SEM1: variants seen among roughly 807,000 people sequenced by gnomAD.
The protein encoded by SEM1 is 26S proteasome complex subunit SEM1.
Under a neutral mutation model 12.7 loss-of-function variants are expected in SEM1, and 3 were observed. The observed-to-expected ratio is 0.24, with a 90% CI of 0.11 to 0.61. The LOEUF is 0.61. Among genes scored for constraint, SEM1 ranks in the 20% least tolerant of loss-of-function variants. The pLI, the probability that SEM1 is intolerant of heterozygous loss-of-function variation, is 0.88. For missense variants in SEM1, 59 were observed against 81.3 expected, an observed-to-expected ratio of 0.73 and a Z score of 1.06; for synonymous variants, 30 against 27.8, an observed-to-expected ratio of 1.08 and a Z score of -0.25.
At chr7:96,488,452 G>T (rs1346122831) in intron 1 of SEM1, among the ~76,000 whole-genome samples, 1 of 152,062 alleles carries the variant, frequency 6.6e-6, no homozygotes, top group Non-Finnish European at 1.5e-5. Context: ...TTGTGGAAAT[G>T]GTACCTTAAG....
chr7:96,608,332 C>G (rs1807445937), intron 2 of SEM1, among the ~76,000 whole-genome samples: 1 of 152,088 alleles, frequency 6.6e-6, no homozygotes, highest in Non-Finnish European at 1.5e-5. Context: ...TACTTCCGAG[C>G]ATCAGTGCTT....
At chr7:96,615,573 TAA>T (rs1807692811) in intron 2 of SEM1, among the ~76,000 whole-genome samples, 1 of 152,168 alleles carries the variant, frequency 6.6e-6, no homozygotes, top group African/African-American at 2.4e-5. Flanking sequence ...ATGATTTTTT[TAA>T]GAGTCCATCA....
intron 3 of SEM1, chr7:96,484,046 A>G: frequency 7.2e-7 from 1 of 1,395,740 alleles, no homozygotes. Context: ...CACTTCATGC[A>G]TATTAACTTA....
At chr7:96,581,557 T>A (rs902384100) in intron 2 of SEM1, among the ~76,000 whole-genome samples, 2 of 152,206 alleles carry the variant, frequency 1.3e-5, no homozygotes, top group African/African-American at 4.8e-5. Flanking sequence ...TAAATTACCT[T>A]GGGCAGTATG....
intron 2 of SEM1, among the ~76,000 whole-genome samples, chr7:96,570,198 C>CTT (rs777955274): frequency 1.4e-5 from 2 of 142,070 alleles, no homozygotes; most frequent in African/African-American, 5.1e-5. Flanking sequence ...CATTTTTTGA[C>CTT]TTTTTTTTTT....
chr7:96,667,729 T>C (rs1030520556), intron 2 of SEM1, among the ~76,000 whole-genome samples: 5 of 152,188 alleles, frequency 3.3e-5, no homozygotes, highest in Non-Finnish European at 4.4e-5. Flanking sequence ...AGAACCACAT[T>C]GCTAAATCAC....
intron 2 of SEM1, among the ~76,000 whole-genome samples, chr7:96,682,386 T>C (rs1789640958): frequency 6.6e-6 from 1 of 152,060 alleles, no homozygotes; most frequent in Non-Finnish European, 1.5e-5. Context: ...TTTCTTTCTC[T>C]TGCCTGATTG....
exon 4 of SEM1, chr7:96,483,787 G>A: frequency 2.6e-6 from 4 of 1,521,086 alleles, no homozygotes; most frequent in Non-Finnish European, 3.5e-6. Context: ...GGGATATCTG[G>A]TATCAGCATG....
chr7:96,598,051 T>C (rs1386457305), intron 2 of SEM1, among the ~76,000 whole-genome samples: 1 of 152,162 alleles, frequency 6.6e-6, no homozygotes, highest in Non-Finnish European at 1.5e-5. Flanking sequence ...TTTCTTGTTT[T>C]TGAATGAATT....
chr7:96,546,679 T>G (rs1805113220), intron 2 of SEM1, among the ~76,000 whole-genome samples: 1 of 152,124 alleles, frequency 6.6e-6, no homozygotes, highest in Non-Finnish European at 1.5e-5. Flanking sequence ...ACGATCTTCA[T>G]GAGGATATTG....
chr7:96,661,900 A>C (rs1485142718), intron 2 of SEM1, among the ~76,000 whole-genome samples: 1 of 150,098 alleles, frequency 6.7e-6, no homozygotes, highest in Non-Finnish European at 1.5e-5. Context: ...AGGCAGGAGA[A>C]TGGCTTGAAC....
chr7:96,532,551 G>C (rs1266381900), intron 2 of SEM1, among the ~76,000 whole-genome samples: 1 of 152,126 alleles, frequency 6.6e-6, no homozygotes, highest in Non-Finnish European at 1.5e-5. Flanking sequence ...AATGGTGCAT[G>C]TTCATTGTTG....
chr7:96,552,373 A>T lies in SEM1; in HGVS notation c.171-45675T>A, dbSNP rs576292617. Among the ~76,000 whole-genome samples the T allele has an allele frequency of 3.3e-5, 5 of 151,928 alleles. No individual in the cohort carries two copies. The East Asian group carries it at 7.8e-4, about 24-fold the overall frequency. Reference sequence around the variant, plus strand: ...ACCCCACAACAGTCCCCAGAGTGTGATGTTCCCCTTCCTGTGTCCATGTGA... The same window carrying T: ...ACCCCACAACAGTCCCCAGAGTGTGTTGTTCCCCTTCCTGTGTCCATGTGA... On this transcript the variant is annotated intron_variant and NMD_transcript_variant, in intron 2 of 3. Transcript: ENST00000466986.
chr7:96,638,250 G>A (rs1241433766), intron 2 of SEM1, among the ~76,000 whole-genome samples: 1 of 151,944 alleles, frequency 6.6e-6, no homozygotes, highest in Non-Finnish European at 1.5e-5. Flanking sequence ...TGCCTTCATA[G>A]CTTCCACACT....
rs146042437 is a variant in SEM1 at position 96,531,134 on chromosome 7, G to A, written c.171-24436C>T. On this transcript the variant is annotated intron_variant and NMD_transcript_variant, in intron 2 of 3. Transcript: ENST00000466986. ...TATTATGGATGAAGTAAGACATAAG[G>A]GATAGAAAGATGACCATATAAACAT... Among the ~76,000 whole-genome samples, 437 of 152,080 alleles carry A rather than the reference G, an allele frequency of 2.9e-3. 4 individuals carry two copies. Among genetic ancestry groups the A allele is most frequent in the African/African-American group, 0.01 (426 of 41,498 alleles).
intron 2 of SEM1, among the ~76,000 whole-genome samples, chr7:96,645,149 A>G (rs776443474): frequency 2.6e-5 from 4 of 152,192 alleles, no homozygotes; most frequent in African/African-American, 4.8e-5. Context: ...TTAAAAATAG[A>G]CAACAGGATT....
At chr7:96,530,233 G>A (rs1254406650) in intron 2 of SEM1, among the ~76,000 whole-genome samples, 1 of 152,072 alleles carries the variant, frequency 6.6e-6, no homozygotes, top group Non-Finnish European at 1.5e-5. Flanking sequence ...GGTGGTGGCA[G>A]GGAAGCAGGA....
intron 2 of SEM1, chr7:96,645,964 G>A (rs1808779531): frequency 1.0e-5 from 4 of 397,912 alleles, no homozygotes; most frequent in Middle Eastern, 6.3e-4. Flanking sequence ...TATATTCCAT[G>A]AATATTTAGT....
chr7:96,540,031 T>G (rs1364894699), intron 2 of SEM1, among the ~76,000 whole-genome samples: 1 of 150,682 alleles, frequency 6.6e-6, no homozygotes, highest in East Asian at 1.9e-4. Context: ...ATAAAAATAA[T>G]TCAAAAATCA....
Sources: gnomAD v4.1 joint callset for allele counts (sites outside exome capture counted in the v4.1 genomes callset) on GRCh38, gnomAD v4.1.1 for gene constraint, MANE v1.5 for transcripts, NCBI Gene and HGNC (gene_info 2026-07-23, HGNC 2026-07-21) for gene names.